The following MEIS1 variants were observed in gnomAD, a reference collection of about 807,000 sequenced individuals.
MEIS1 encodes homeobox protein Meis1.
In MEIS1, 5 loss-of-function variants were observed where a neutral mutation model predicts 50.8. The observed-to-expected ratio is 0.10, with a 90% CI of 0.05 to 0.21. The LOEUF (loss-of-function observed/expected upper bound fraction) is 0.21, where lower values mean the gene tolerates loss of function less well. MEIS1 is among the 10% of genes least tolerant of loss of function. The probability of loss-of-function intolerance (pLI) is 1.00; values close to 1 mark genes in which losing one functional copy is unlikely to be tolerated. For missense variants in MEIS1, 318 were observed against 517.3 expected (o/e 0.61, Z 3.74); for synonymous variants, 176 against 179.3 (o/e 0.98, Z 0.15).
At chr2:66,480,138 G>A (rs1256345703) in intron 7 of MEIS1, among the ~76,000 whole-genome samples, 1 of 151,978 alleles carries the variant, frequency 6.6e-6, no homozygotes, top group Non-Finnish European at 1.5e-5. Context: ...TAGAAATAAG[G>A]GTCTATATAA....
At chr2:66,554,445 G>A (rs1038201458) in intron 9 of MEIS1, among the ~76,000 whole-genome samples, 1 of 152,180 alleles carries the variant, frequency 6.6e-6, no homozygotes, top group African/African-American at 2.4e-5. Flanking sequence ...GAGGTGTCAC[G>A]GTCAAGGGGG....
intron 7 of MEIS1, among the ~76,000 whole-genome samples, chr2:66,473,236 G>A (rs978763163): frequency 3.3e-5 from 5 of 151,234 alleles, no homozygotes; most frequent in African/African-American, 1.2e-4. Flanking sequence ...AAATTAGCCG[G>A]GTATAGTGGT....
chr2:66,479,044 A>G (rs183036990), intron 7 of MEIS1, among the ~76,000 whole-genome samples: 10 of 152,368 alleles, frequency 6.6e-5, no homozygotes, highest in Non-Finnish European at 1.0e-4. Context: ...CATAATTGTT[A>G]TAACAAGATT....
intron 8 of MEIS1, among the ~76,000 whole-genome samples, chr2:66,519,681 A>G (rs1030200234): frequency 2.6e-5 from 4 of 152,190 alleles, no homozygotes; most frequent in Non-Finnish European, 4.4e-5. Flanking sequence ...GGGTCCCAAG[A>G]TGAAATGTAT....
intron 6 of MEIS1, among the ~76,000 whole-genome samples, chr2:66,444,594 G>A (rs1006063152): frequency 8.5e-5 from 13 of 152,234 alleles, no homozygotes; most frequent in Admixed American, 2.0e-4. Context: ...AGAACACGCA[G>A]CGTGCGCAAT....
chr2:66,513,953 A>G (rs991694267), intron 8 of MEIS1, among the ~76,000 whole-genome samples: 1 of 152,190 alleles, frequency 6.6e-6, no homozygotes, highest in Non-Finnish European at 1.5e-5. Flanking sequence ...AGAAGTGGCA[A>G]TTGGTCAAAG....
intron 6 of MEIS1, among the ~76,000 whole-genome samples, chr2:66,462,451 C>G (rs1672541446): frequency 6.6e-6 from 1 of 152,176 alleles, no homozygotes; most frequent in Non-Finnish European, 1.5e-5. Flanking sequence ...TTGCCATTTT[C>G]TCTTTCTAAT....
At chr2:66,455,868 G>A (rs1174202050) in intron 6 of MEIS1, among the ~76,000 whole-genome samples, 1 of 152,046 alleles carries the variant, frequency 6.6e-6, no homozygotes, top group Non-Finnish European at 1.5e-5. Flanking sequence ...ACATTCTTTT[G>A]CCTTATGCCT....
At chr2:66,526,298 G>A (rs1674249735) in intron 8 of MEIS1, among the ~76,000 whole-genome samples, 1 of 152,298 alleles carries the variant, frequency 6.6e-6, no homozygotes, top group Non-Finnish European at 1.5e-5. Context: ...TTTGGTCTAA[G>A]TCATTGAGGA....
At chr2:66,468,847 A>G (rs1238787040) in intron 7 of MEIS1, among the ~76,000 whole-genome samples, 2 of 152,194 alleles carry the variant, frequency 1.3e-5, no homozygotes, top group East Asian at 3.9e-4. Context: ...TTGCATGCTA[A>G]GTAGAATGAT....
At chr2:66,476,778 C>A (rs190315024) in intron 7 of MEIS1, among the ~76,000 whole-genome samples, 8 of 152,288 alleles carry the variant, frequency 5.3e-5, no homozygotes, top group Non-Finnish European at 1.0e-4. Flanking sequence ...GCAACCACTA[C>A]CTCGTCCCCC....
chr2:66,550,427 T>A lies in MEIS1; in HGVS notation c.965+2408T>A, dbSNP rs540864255. On this transcript the variant is annotated intron_variant, in intron 9 of 12. Coordinates refer to ENST00000272369, the MANE Select transcript of MEIS1 (RefSeq NM_002398.3). ...ATGACAATACCATGTTTGATTTGAA[T>A]TTTTAATGGTTTATTAATTTTTATA... Among the ~76,000 whole-genome samples, 7 of 152,340 alleles carry A rather than the reference T, an allele frequency of 4.6e-5. No individual in the cohort carries two copies. In the East Asian group the frequency reaches 1.3e-3, roughly 29 times the overall value.
At chr2:66,460,487 T>A (rs2103735754) in intron 6 of MEIS1, among the ~76,000 whole-genome samples, 1 of 152,276 alleles carries the variant, frequency 6.6e-6, no homozygotes, top group African/African-American at 2.4e-5. Flanking sequence ...ATAGCTTGCT[T>A]CAAATATTTT....
intron 7 of MEIS1, among the ~76,000 whole-genome samples, chr2:66,487,728 T>C (rs1363132750): frequency 9.2e-5 from 14 of 152,222 alleles, no homozygotes; most frequent in African/African-American, 1.4e-4. Context: ...TTACAAGCCA[T>C]GTGCTCTAGC....
intron 7 of MEIS1, among the ~76,000 whole-genome samples, chr2:66,484,451 C>T (rs1382477675): frequency 6.6e-6 from 1 of 152,186 alleles, no homozygotes; most frequent in Non-Finnish European, 1.5e-5. Context: ...ATATTAGCTG[C>T]AAGCCCATTT....
At chr2:66,440,103 C>G in intron 3 of MEIS1, 119 bp downstream of exon 3, 1 of 484,530 alleles carries the variant, frequency 2.1e-6, no homozygotes, top group Non-Finnish European at 3.0e-6. Context: ...GGCACACTTT[C>G]AAAAGTAGCC....
chr2:66,445,919 C>T (rs1475859377), intron 6 of MEIS1, among the ~76,000 whole-genome samples: 1 of 152,188 alleles, frequency 6.6e-6, no homozygotes. Flanking sequence ...CACTCCCAGT[C>T]TTCCGGGCCG....
At chr2:66,532,548 C>T (rs1572883952) in intron 8 of MEIS1, among the ~76,000 whole-genome samples, 1 of 151,978 alleles carries the variant, frequency 6.6e-6, no homozygotes, top group East Asian at 1.9e-4. Flanking sequence ...AATAGGGCCC[C>T]TGAGAGCATC....
chr2:66,438,089 C>T, intron 2 of MEIS1, 126 bp downstream of exon 2: 1 of 887,042 alleles, frequency 1.1e-6, no homozygotes, highest in Non-Finnish European at 1.7e-6. Context: ...TTTTCATTCA[C>T]ATTTCATGGA....
Sources: gnomAD v4.1 joint callset for allele counts (sites outside exome capture counted in the v4.1 genomes callset) on GRCh38, gnomAD v4.1.1 for gene constraint, MANE v1.5 for transcripts, NCBI Gene and HGNC (gene_info 2026-07-23, HGNC 2026-07-21) for gene names.